The following SKP1 variants were observed in gnomAD, a reference collection of about 807,000 sequenced individuals.
The protein encoded by SKP1 is S-phase kinase-associated protein 1.
SKP1 carries 1 observed loss-of-function variant against 21.5 expected under a neutral mutation model. The ratio of observed to expected loss-of-function variants is 0.05; its 90% CI spans 0.02 to 0.22. SKP1 has a LOEUF of 0.22. SKP1 is among the 10% of genes least tolerant of loss of function. SKP1 has a pLI of 1.00. For synonymous variants in SKP1, 59 were observed against 59.3 expected (o/e 0.99, Z 0.03); for missense variants, 70 against 192.0 (o/e 0.36, Z 3.76).
At position 134,157,693 on chromosome 5, in the gene SKP1, G is replaced by C; in HGVS notation, c.*40C>G. The C allele has an allele frequency of 2.0e-6, 3 of 1,516,842 alleles. No homozygotes were observed. Among genetic ancestry groups the C allele is most frequent in the Non-Finnish European group, 1.8e-6 (2 of 1,092,418 alleles). The allele number at this position is 1,516,842 out of a possible 1,614,324, so 94.0% of individuals were successfully genotyped here. On this transcript the variant is annotated 3_prime_UTR_variant, in exon 6 of 6. Transcript: ENST00000353411. ...AAACAGAGCAGTGCAACTAGTATTT[G>C]GAACAATCCTTACAGTGTTACAGTG...
rs1314035592 is a variant in SKP1 at position 134,152,707 on chromosome 5, AATTTTTGT to A, written c.*5018_*5025del. 6.6e-6 allele frequency: 1 copy of A among 152,142 alleles called. No homozygotes were observed. The highest frequency in any genetic ancestry group is 6.5e-5 in the Admixed American group (1 of 15,272). The allele number at this position is 152,142 out of a possible 1,614,324, so 9.4% of individuals were successfully genotyped here. A position where few individuals can be genotyped will look rare whatever the true frequency, so the allele number is the denominator to read the frequency against. ...CAGGCATGTGCCACCACGCCCAGCT[AATTTTTGT>A]ATTTTTAGTAGAGATGAGGTTTCAC... On this transcript the variant is annotated 3_prime_UTR_variant, in exon 6 of 6. Transcript: ENST00000353411.
intron 3 of SKP1, among the ~76,000 whole-genome samples, chr5:134,164,152 C>A (rs976073005): frequency 6.6e-6 from 1 of 151,918 alleles, no homozygotes; most frequent in Non-Finnish European, 1.5e-5. Flanking sequence ...GAAACCCCAT[C>A]TCTACTCAAA....
chr5:134,168,055 G>A (rs1261178032), intron 2 of SKP1, among the ~76,000 whole-genome samples: 1 of 152,136 alleles, frequency 6.6e-6, no homozygotes, highest in East Asian at 1.9e-4. Flanking sequence ...AAAAATTGGT[G>A]GCTCCTAACG....
intron 3 of SKP1, chr5:134,161,979 A>T (rs936099072): frequency 3.9e-5 from 6 of 152,210 alleles, no homozygotes; most frequent in Admixed American, 3.9e-4. Flanking sequence ...TGTATGGCTA[A>T]AACTTTTTCA....
At chr5:134,162,419 T>C (rs1450605279) in intron 3 of SKP1, among the ~76,000 whole-genome samples, 1 of 152,184 alleles carries the variant, frequency 6.6e-6, no homozygotes, top group African/African-American at 2.4e-5. Flanking sequence ...TTCGTTTTAA[T>C]TTTGAGACTG....
At chr5:134,166,414 C>A (rs144226960) in intron 3 of SKP1, among the ~76,000 whole-genome samples, 2 of 151,076 alleles carry the variant, frequency 1.3e-5, no homozygotes, top group African/African-American at 2.4e-5. Context: ...AACCCTGTCT[C>A]TACTAAAAAT....
chr5:134,160,265 G>T (rs1398400683), intron 4 of SKP1, among the ~76,000 whole-genome samples: 2 of 151,974 alleles, frequency 1.3e-5, no homozygotes, highest in East Asian at 3.9e-4. Context: ...GCTGAGGCAG[G>T]AGAATTGCTT....
At chr5:134,175,866 TA>T (rs1761531317) in intron 1 of SKP1, among the ~76,000 whole-genome samples, 1 of 152,216 alleles carries the variant, frequency 6.6e-6, no homozygotes, top group Admixed American at 6.5e-5. Context: ...GAAAGAGGCC[TA>T]AAGGCTCCTG....
Position 134,150,642 on chromosome 5 carries a change from T to C in SKP1, c.*7091A>G, listed in dbSNP as rs1241442151. On this transcript the variant is annotated 3_prime_UTR_variant, in exon 6 of 6. Transcript: ENST00000353411. ...TCTCTTCAGAGCATTTTTTAAGCTCTTCAGGGCTTTAAGAGTTCACCAAGG... is the reference window on the plus strand; with the variant it reads ...TCTCTTCAGAGCATTTTTTAAGCTCCTCAGGGCTTTAAGAGTTCACCAAGG... The C allele has an allele frequency of 2.0e-5, 3 of 152,230 alleles. No homozygotes were observed. The highest frequency in any genetic ancestry group is 4.4e-5 in the Non-Finnish European group (3 of 68,036). 9.4% of individuals were successfully genotyped at this position (152,230 alleles called of 1,614,324 possible).
At position 134,157,771 on chromosome 5, in the gene SKP1, A is replaced by G. The variant is rs1761145170; in HGVS notation, c.457-3T>C. On this transcript the variant is annotated splice_region_variant and splice_polypyrimidine_tract_variant and intron_variant, in intron 5 of 5. Coordinates refer to ENST00000353411, the MANE Select transcript of SKP1 (RefSeq NM_170679.3). ...CACCACTGGTTCTCTTTGCGTACCT[A>G]AAAGAGATGGATATAGGGAAGTACC... 6.2e-7 allele frequency: 1 copy of G among 1,612,324 alleles called. No homozygotes were observed. Among genetic ancestry groups the G allele is most frequent in the Non-Finnish European group, 8.5e-7 (1 of 1,178,338 alleles).
At chr5:134,163,290 A>G (rs1252015573) in intron 3 of SKP1, among the ~76,000 whole-genome samples, 3 of 151,324 alleles carry the variant, frequency 2.0e-5, no homozygotes, top group African/African-American at 7.3e-5. Flanking sequence ...AAAAGGATAT[A>G]TAAAGAAACT....
intron 3 of SKP1, among the ~76,000 whole-genome samples, chr5:134,163,462 G>GAT (rs1312702398): frequency 6.7e-6 from 1 of 148,272 alleles, no homozygotes; most frequent in Non-Finnish European, 1.5e-5. Flanking sequence ...TTCAAAATAT[G>GAT]ATATATATTC....
intron 3 of SKP1, among the ~76,000 whole-genome samples, chr5:134,166,721 T>C (rs760377422): frequency 6.6e-6 from 1 of 151,932 alleles, no homozygotes; most frequent in Non-Finnish European, 1.5e-5. Flanking sequence ...GGGAACAAAG[T>C]GTTACATATT....
rs775519640 is a variant in SKP1 at position 134,152,780 on chromosome 5, T to C, written c.*4953A>G. 6.6e-6 allele frequency: 1 copy of C among 152,352 alleles called. No homozygotes were observed. The highest frequency in any genetic ancestry group is 1.5e-5 in the Non-Finnish European group (1 of 68,142). 9.4% of individuals were successfully genotyped at this position (152,352 alleles called of 1,614,324 possible). ...TGGTCTCGATCTCTTGACCTCGTGA[T>C]CTGCACACCTCAGCCTCTGAAAATG... On this transcript the variant is annotated 3_prime_UTR_variant, in exon 6 of 6. Coordinates refer to ENST00000353411, the MANE Select transcript of SKP1 (RefSeq NM_170679.3).
At chr5:134,173,623 A>G in intron 2 of SKP1, 1 of 458,332 alleles carries the variant, frequency 2.2e-6, no homozygotes, top group South Asian at 1.7e-5. Context: ...CTATCACTGG[A>G]ACTTATGAAT....
In SKP1 at chr5:134,161,053, A is replaced by G. The variant is rs1456738421; in HGVS notation, c.249T>C (p.Asp83=). Residue 83 remains aspartate (D), a synonymous_variant, in exon 4 of 6, where the codon GAT becomes GAC. Transcript: ENST00000353411. ...EDDENKEKRT[D]DIPVWDQEFL... Reference sequence around the variant, plus strand: ...ATTCTTGGTCCCAAACAGGGATATCATCTGTTCGCTTTTCTTTGTTCTCAT... The same window carrying G: ...ATTCTTGGTCCCAAACAGGGATATCGTCTGTTCGCTTTTCTTTGTTCTCAT... 6 of 1,612,600 alleles carry G rather than the reference A, an allele frequency of 3.7e-6. No homozygotes were observed. The African/African-American group carries it at 4.0e-5, about 11-fold the overall frequency.
rs1432681728 is a variant in SKP1, at chr5:134,157,427, T to TA, written c.*305dup. 4.0e-6 allele frequency: 1 copy of TA among 248,106 alleles called. No individual in the cohort carries two copies. The highest frequency in any genetic ancestry group is 2.3e-5 in the African/African-American group (1 of 44,414). 15.4% of individuals were successfully genotyped at this position (248,106 alleles called of 1,614,324 possible). ...AAGGTCACTAAAGTTAACTGGACAA[T>TA]AAACTAGGCAGACATTGCTTTACAA... On this transcript the variant is annotated 3_prime_UTR_variant, in exon 6 of 6. Coordinates refer to ENST00000353411, the MANE Select transcript of SKP1 (RefSeq NM_170679.3).
rs1296466618 is a variant in SKP1, at chr5:134,156,578, A to G, written c.*1155T>C. ...AAGCAAGGAGAAAAAAAGGGAGCAC[A>G]AGGAAGAAAAAAAAATCAAAATTTG... On this transcript the variant is annotated 3_prime_UTR_variant, in exon 6 of 6. Transcript: ENST00000353411. The G allele has an allele frequency of 6.6e-6, 1 of 152,222 alleles. No homozygotes were observed. The highest frequency in any genetic ancestry group is 2.4e-5 in the African/African-American group (1 of 41,458). 9.4% of individuals were successfully genotyped at this position (152,222 alleles called of 1,614,324 possible).
In SKP1 at chr5:134,167,760, G is replaced by A. The variant is rs762468686; in HGVS notation, c.98-517C>T. ...AGGATGGTCTCGATCTCCTGACCTC[G>A]TGATCTACCCGCTTCAGCCTCCCAA... On this transcript the variant is annotated intron_variant, in intron 2 of 5. Transcript: ENST00000353411. 7.2e-5 allele frequency among the ~76,000 whole-genome samples: 11 copies of A among 152,148 alleles called. 1 individual carries two copies. Among genetic ancestry groups the A allele is most frequent in the Admixed American group, 3.9e-4 (6 of 15,280 alleles).
Sources: allele counts gnomAD v4.1 joint callset (sites outside exome capture counted in the v4.1 genomes callset), GRCh38; gene constraint gnomAD v4.1.1; transcripts MANE v1.5; gene names NCBI Gene and HGNC (gene_info 2026-07-23, HGNC 2026-07-21).